The following PTCHD4 variants were observed in gnomAD, a reference collection of about 807,000 sequenced individuals.
PTCHD4 encodes patched domain-containing protein 4.
A neutral mutation model predicts 58.1 loss-of-function variants in PTCHD4; 33 were observed. The observed-to-expected ratio is 0.57, with a 90% CI of 0.43 to 0.76. The LOEUF (loss-of-function observed/expected upper bound fraction) is 0.76. Among genes scored for constraint, PTCHD4 ranks in the 30% least tolerant of loss-of-function variants. The pLI, the probability that PTCHD4 is intolerant of heterozygous loss-of-function variation, is 0.00. For synonymous variants in PTCHD4, 478 were observed against 409.6 expected, an observed-to-expected ratio of 1.17 and a Z score of -2.02; for missense variants, 1,058 against 1,027.1, an observed-to-expected ratio of 1.03 and a Z score of -0.41.
chr6:48,096,338 G>A (rs1289484966), intron 1 of PTCHD4, among the ~76,000 whole-genome samples: 6 of 152,158 alleles, frequency 3.9e-5, no homozygotes, highest in African/African-American at 9.7e-5. Flanking sequence ...ATGGCATGGC[G>A]TGGTGGCTCA....
In PTCHD4 at chr6:47,878,029, A is replaced by T. The variant is rs1763892779; in HGVS notation, c.*274T>A. 1 of 295,316 alleles carries T rather than the reference A, an allele frequency of 3.4e-6. No individual in the cohort carries two copies. Among genetic ancestry groups the T allele is most frequent in the African/African-American group, 2.2e-5 (1 of 45,930 alleles). The allele number at this position is 295,316 out of a possible 1,614,324, so 18.3% of individuals were successfully genotyped here. A position where few individuals can be genotyped will look rare whatever the true frequency, so the allele number is the denominator to read the frequency against. ...GGTTATTTTGGCCTTCTATCTTAAC[A>T]CTCCATTGATTCATCCATTCCTTGG... On this transcript the variant is annotated 3_prime_UTR_variant, in exon 5 of 5. Transcript: ENST00000339488.
At chr6:47,926,443 G>T (rs561648256) in intron 4 of PTCHD4, among the ~76,000 whole-genome samples, 10 of 152,128 alleles carry the variant, frequency 6.6e-5, no homozygotes, top group Non-Finnish European at 1.5e-4. Context: ...AATACTTTAT[G>T]CATTGCTACT....
At chr6:48,010,516 A>G (rs1460660460) in intron 3 of PTCHD4, among the ~76,000 whole-genome samples, 1 of 151,722 alleles carries the variant, frequency 6.6e-6, no homozygotes, top group Non-Finnish European at 1.5e-5. Flanking sequence ...AGTGTGTTGC[A>G]AACACAAAAA....
chr6:47,895,892 C>T (rs1323434695), intron 4 of PTCHD4, among the ~76,000 whole-genome samples: 1 of 152,120 alleles, frequency 6.6e-6, no homozygotes, highest in African/African-American at 2.4e-5. Context: ...CAGATGATGT[C>T]TGCATAGGAT....
chr6:48,081,856 T>C (rs1217877499), intron 1 of PTCHD4, among the ~76,000 whole-genome samples: 1 of 152,194 alleles, frequency 6.6e-6, no homozygotes, highest in Non-Finnish European at 1.5e-5. Context: ...ATTTACTTTG[T>C]ATTTATTGTC....
rs1041555347 is a variant in PTCHD4, at chr6:47,865,062, A to G, written c.*13241T>C. On this transcript the variant is annotated 3_prime_UTR_variant, in exon 5 of 5. Coordinates refer to ENST00000339488, the MANE Select transcript of PTCHD4 (RefSeq NM_001384253.1). ...GAACTGCTAAATTCCCTGAAATGCA[A>G]ATAAATCTCAAGAATTATTTGCTAA... Among the ~76,000 whole-genome samples the G allele has an allele frequency of 6.6e-6, 1 of 151,918 alleles. No homozygotes were observed. Among genetic ancestry groups the G allele is most frequent in the Non-Finnish European group, 1.5e-5 (1 of 67,908 alleles).
chr6:48,080,039 G>A (rs1765134941), intron 1 of PTCHD4, among the ~76,000 whole-genome samples: 1 of 123,310 alleles, frequency 8.1e-6, no homozygotes, highest in South Asian at 2.7e-4. Flanking sequence ...GAAAGAAATA[G>A]AAGAGCCTAA....
chr6:47,865,598 TAA>T lies in PTCHD4; in HGVS notation c.*12703_*12704del, dbSNP rs1763542931. On this transcript the variant is annotated 3_prime_UTR_variant, in exon 5 of 5. Transcript: ENST00000339488. ...GGGTGTTCAGGCCATCTTACAGATA[TAA>T]GTTTTGTGAATTGTATTTATTTCTT... 6.6e-6 allele frequency among the ~76,000 whole-genome samples: 1 copy of T among 151,872 alleles called. No homozygotes were observed. The highest frequency in any genetic ancestry group is 2.4e-5 in the African/African-American group (1 of 41,408).
intron 4 of PTCHD4, among the ~76,000 whole-genome samples, chr6:47,990,920 T>C (rs1213107381): frequency 6.6e-6 from 1 of 152,100 alleles, no homozygotes; most frequent in East Asian, 1.9e-4. Flanking sequence ...TTCTCTTTTA[T>C]CTAGATGCTA....
In PTCHD4 at chr6:47,891,091, G is replaced by A. The variant is rs191902471; in HGVS notation, c.899-11155C>T. On this transcript the variant is annotated intron_variant, in intron 4 of 4. Transcript: ENST00000339488. ...CAAAAAATTAACTGAGTGTGGTGGC[G>A]CATGCCTGTAATCCCAGCTACTTGG... Among the ~76,000 whole-genome samples, 412 of 150,496 alleles carry A rather than the reference G, an allele frequency of 2.7e-3. 3 individuals carry two copies. Among genetic ancestry groups the A allele is most frequent in the African/African-American group, 8.0e-3 (328 of 41,000 alleles).
intron 1 of PTCHD4, among the ~76,000 whole-genome samples, chr6:48,090,619 A>G (rs1381795805): frequency 2.0e-5 from 3 of 152,186 alleles, no homozygotes; most frequent in African/African-American, 7.2e-5. Flanking sequence ...TAACTGTTTC[A>G]CGAGAAAACC....
chr6:47,940,226 A>G (rs10485046), intron 4 of PTCHD4, among the ~76,000 whole-genome samples: 4,835 of 152,196 alleles, frequency 0.032, 125 homozygotes, highest in Non-Finnish European at 0.043. Flanking sequence ...CAATGCCATT[A>G]TAATTTCACT....
In PTCHD4 at chr6:47,944,285, A is replaced by T. The variant is rs944738626; in HGVS notation, c.898+64349T>A. Among the ~76,000 whole-genome samples the T allele has an allele frequency of 2.6e-5, 4 of 152,258 alleles. No homozygotes were observed. The South Asian group carries it at 6.2e-4, about 24-fold the overall frequency. ...CCAAGTGTTGCAAATCTTATTTTTC[A>T]TAAGTAAGGATAACCCCTAAACAAT... On this transcript the variant is annotated intron_variant, in intron 4 of 4. Coordinates refer to ENST00000339488, the MANE Select transcript of PTCHD4 (RefSeq NM_001384253.1).
rs1763943373 is a variant in PTCHD4, at chr6:47,879,232, G to A, written c.1603C>T (p.Leu535=). ...EYWNSSVQDD[L]RRLCSGFTAV... The stretch of plus-strand genomic sequence containing the variant: ...GTGAATCCACTACAGAGTCTTCTTA[G>A]GTCATCCTGGACGCTGCTGTTCCAG... Residue 535 remains leucine (L), a synonymous_variant, in exon 5 of 5, where the codon CTA becomes TTA. Transcript: ENST00000339488. 2.5e-6 allele frequency: 4 copies of A among 1,612,806 alleles called. No homozygotes were observed. The highest frequency in any genetic ancestry group is 3.4e-6 in the Non-Finnish European group (4 of 1,179,542).
At chr6:48,048,098 T>A (rs1227099383) in intron 3 of PTCHD4, among the ~76,000 whole-genome samples, 1 of 150,484 alleles carries the variant, frequency 6.6e-6, no homozygotes, top group African/African-American at 2.4e-5. Context: ...AAAGGGGTAA[T>A]GAACTGTTGT....
At chr6:48,007,912 C>G (rs894217470) in intron 4 of PTCHD4, among the ~76,000 whole-genome samples, 15 of 145,944 alleles carry the variant, frequency 1.0e-4, no homozygotes, top group Non-Finnish European at 1.5e-4. Flanking sequence ...TTGATCTTCT[C>G]TTTGAAAGAA....
chr6:48,010,981 A>G (rs990249605), intron 3 of PTCHD4, among the ~76,000 whole-genome samples: 1 of 152,162 alleles, frequency 6.6e-6, no homozygotes. Flanking sequence ...CCTATTATGG[A>G]TAGGCATTTA....
At chr6:48,054,229 A>G (rs1372235522) in intron 3 of PTCHD4, among the ~76,000 whole-genome samples, 1 of 152,164 alleles carries the variant, frequency 6.6e-6, no homozygotes. Flanking sequence ...AGGAGTAAAA[A>G]TTACTTAGTA....
At chr6:47,896,984 T>C (rs1764546183) in intron 4 of PTCHD4, among the ~76,000 whole-genome samples, 1 of 152,224 alleles carries the variant, frequency 6.6e-6, no homozygotes, top group African/African-American at 2.4e-5. Flanking sequence ...TATCATCTTT[T>C]CCTATGTCAG....
Sources: allele counts gnomAD v4.1 joint callset (sites outside exome capture counted in the v4.1 genomes callset), GRCh38; gene constraint gnomAD v4.1.1; transcripts MANE v1.5; gene names NCBI Gene and HGNC (gene_info 2026-07-23, HGNC 2026-07-21).